The following MUC4 variants were observed in gnomAD, a reference collection of about 807,000 sequenced individuals.
MUC4 encodes the protein mucin-4.
In MUC4, 202 loss-of-function variants were observed where a neutral mutation model predicts 257.9. The ratio of observed to expected loss-of-function variants is 0.78; its 90% CI spans 0.70 to 0.88. The LOEUF is 0.88. Ranked by LOEUF, MUC4 falls within the 40% of genes least tolerant of loss-of-function variation. The pLI is 0.00. For synonymous variants in MUC4, 2,351 were observed against 2,757.1 expected (o/e 0.85, Z 4.62); for missense variants, 5,976 against 6,513.7 (o/e 0.92, Z 2.84).
At position 195,789,659 on chromosome 3, in the gene MUC4, G is replaced by C; in HGVS notation, c.1921C>G (p.Gln641Glu). Residue 641 changes from glutamine to glutamate, a missense_variant, in exon 2 of 25, where the codon CAA becomes GAA. Coordinates refer to ENST00000463781, the MANE Select transcript of MUC4 (RefSeq NM_018406.7). ...SPAVSQRGHT[Q>E]APQTTQESQT... ...GATTCTTGTGTGGTCTGCGGGGCTT[G>C]AGTGTGACCCCTTTGGGAAACAGCT... The C allele has an allele frequency of 6.2e-7, 1 of 1,614,026 alleles. No individual in the cohort carries two copies. The highest frequency in any genetic ancestry group is 8.5e-7 in the Non-Finnish European group (1 of 1,179,890).
rs193004558 is a variant in MUC4 at position 195,764,186 on chromosome 3, C to T, written c.13925-22G>A. On this transcript the variant is annotated intron_variant, in intron 10 of 24. Coordinates refer to ENST00000463781, the MANE Select transcript of MUC4 (RefSeq NM_018406.7). Reference sequence around the variant, plus strand: ...TGGGCTGCGGAGAACAGCAGTGAGTCGGGGAGGTTGAGGACCTGGAGAAGC... The same window carrying T: ...TGGGCTGCGGAGAACAGCAGTGAGTTGGGGAGGTTGAGGACCTGGAGAAGC... 2,255 of 1,553,908 alleles carry T rather than the reference C, an allele frequency of 1.5e-3. 38 individuals carry two copies. In the African/African-American group the frequency reaches 0.027, roughly 18 times the overall value.
At chr3:195,808,364 C>T (rs181573179) in intron 1 of MUC4, among the ~76,000 whole-genome samples, 129 of 152,236 alleles carry the variant, frequency 8.5e-4, no homozygotes, top group Admixed American at 3.5e-3. Context: ...TACAGGCGCT[C>T]GCCACCACGC....
Position 195,757,025 on chromosome 3 carries a change from C to A in MUC4, c.15168+122G>T. ...GACTGGAATCTGCTCTACTCACCTACCACTGCTCCACCCATCTCCCAACAC... is the reference window on the plus strand; with the variant it reads ...GACTGGAATCTGCTCTACTCACCTAACACTGCTCCACCCATCTCCCAACAC... On this transcript the variant is annotated intron_variant, in intron 18 of 24. Coordinates refer to ENST00000463781, the MANE Select transcript of MUC4 (RefSeq NM_018406.7). This position sits in a 1 kb window ranked among gnomAD's most constrained non-coding sequence, Gnocchi z 4.8. The A allele has an allele frequency of 1.0e-6, 1 of 1,004,456 alleles. No homozygotes were observed. The highest frequency in any genetic ancestry group is 2.3e-5 in the Admixed American group (1 of 43,606). The allele number at this position is 1,004,456 out of a possible 1,614,324, so 62.2% of individuals were successfully genotyped here. A position where few individuals can be genotyped will look rare whatever the true frequency, so the allele number is the denominator to read the frequency against.
At chr3:195,807,939 G>C (rs1220096266) in intron 1 of MUC4, among the ~76,000 whole-genome samples, 1 of 152,244 alleles carries the variant, frequency 6.6e-6, no homozygotes, top group East Asian at 1.9e-4. Context: ...GAAACCAAGG[G>C]CGTGGCGGGA....
chr3:195,791,002 G>T lies in MUC4; in HGVS notation c.578C>A (p.Ala193Asp). The T allele has an allele frequency of 1.2e-6, 2 of 1,614,028 alleles. No homozygotes were observed. The highest frequency in any genetic ancestry group is 1.7e-6 in the Non-Finnish European group (2 of 1,179,896). ...CCGAGTCCAGTGGTTCTGAGAAGAA[G>T]CTGATGTGTCTTGGATAGAGGTCCT... Reference protein sequence around the residue: ...SWRTSIQDTSASSQNHWTRST... With the variant: ...SWRTSIQDTSDSSQNHWTRST... Residue 193 changes from alanine to aspartate, a missense_variant, in exon 2 of 25, where the codon GCT becomes GAT. Transcript: ENST00000463781.
rs1719869364 is a variant in MUC4, at chr3:195,764,087, G to GTA, written c.14001_14002insTA (p.Arg4668TyrfsTer105). 1 of 1,608,760 alleles carries GTA rather than the reference G, an allele frequency of 6.2e-7. No homozygotes were observed. Among genetic ancestry groups the GTA allele is most frequent in the African/African-American group, 1.3e-5 (1 of 74,856 alleles). On this transcript the variant is annotated frameshift_variant, in exon 11 of 25. Transcript: ENST00000463781. LOFTEE classifies it high-confidence loss of function. ...TATGTAGCACAGCCCACGTGGGGCC[G>GTA]CCTCTGCTGGTACAGGGCACAGAGG...
At chr3:195,769,200 G>C (rs1487551498) in intron 6 of MUC4, 48 bp from the exon 7 acceptor site, 2 of 1,606,442 alleles carry the variant, frequency 1.2e-6, no homozygotes, top group Non-Finnish European at 1.7e-6. Context: ...AGAGATCCGG[G>C]GTCTCCTCTC....
At chr3:195,753,587 A>G (rs778619195) in intron 19 of MUC4, 1 of 348,914 alleles carries the variant, frequency 2.9e-6, no homozygotes, top group Non-Finnish European at 5.2e-6. Context: ...GGTTCTACCC[A>G]CTCTGGCCTC....
Position 195,757,386 on chromosome 3 carries a change from G to C in MUC4, c.14987-58C>G. ...GGGAGACTCCTCGGCTCTGTGGTCT[G>C]ATTGCTGATACGGGGCTTCCCCCAC... On this transcript the variant is annotated intron_variant, in intron 17 of 24. Coordinates refer to ENST00000463781, the MANE Select transcript of MUC4 (RefSeq NM_018406.7). The surrounding 1 kb of genome is among the most constrained non-coding windows in gnomAD (Gnocchi z 4.8). 6.7e-7 allele frequency: 1 copy of C among 1,492,706 alleles called. No individual in the cohort carries two copies. Among genetic ancestry groups the C allele is most frequent in the East Asian group, 2.3e-5 (1 of 42,844 alleles). The allele number at this position is 1,492,706 out of a possible 1,614,324, so 92.5% of individuals were successfully genotyped here.
At chr3:195,759,918 A>AACACACACACACACGCACGC (rs1553855202) in intron 16 of MUC4, among the ~76,000 whole-genome samples, 1 of 149,738 alleles carries the variant, frequency 6.7e-6, no homozygotes, top group Non-Finnish European at 1.5e-5. Flanking sequence ...AAACTCCGTC[A>AACACACACACACACGCACGC]ACACACACAC....
Position 195,761,106 on chromosome 3 carries a change from C to G in MUC4, c.14626G>C (p.Gly4876Arg). 2 of 1,614,144 alleles carry G rather than the reference C, an allele frequency of 1.2e-6. No homozygotes were observed. Among genetic ancestry groups the G allele is most frequent in the African/African-American group, 2.7e-5 (2 of 75,032 alleles). The change falls in exon 16 of 25, where the codon GGG (glycine) becomes CGG (arginine). Residue 4876 changes from glycine (G) to arginine (R), a missense_variant. This residue lies in a region of MUC4 where 996 missense variants were observed against 1,137.3 expected (regional missense o/e 0.88). Coordinates refer to ENST00000463781, the MANE Select transcript of MUC4 (RefSeq NM_018406.7). ...TTCCTCTTGCCAAGGAGGCCTGTCC[C>G]GTTGATCTGCCCTGTAACACACAGA... ...FHFGMTWQIN[G>R]TGLLGKRNDQ...
intron 1 of MUC4, among the ~76,000 whole-genome samples, chr3:195,803,752 G>A (rs1461341255): frequency 2.0e-5 from 3 of 152,254 alleles, no homozygotes; most frequent in East Asian, 1.9e-4. Context: ...AGGGCCGGGG[G>A]CTCGGGGTAA....
At chr3:195,768,519 T>C (rs551792276) in intron 7 of MUC4, among the ~76,000 whole-genome samples, 3 of 152,330 alleles carry the variant, frequency 2.0e-5, no homozygotes, top group Non-Finnish European at 4.4e-5. Context: ...GATTCTAGCC[T>C]CAGATGTCTG....
rs533862370 is a variant in MUC4, at chr3:195,755,054, T to C, written c.15169-682A>G. On this transcript the variant is annotated intron_variant, in intron 18 of 24. Coordinates refer to ENST00000463781, the MANE Select transcript of MUC4 (RefSeq NM_018406.7). The surrounding 1 kb of genome is among the most constrained non-coding windows in gnomAD (Gnocchi z 5.0). ...TATTTTGAGACAGGGTCCCACTCGG[T>C]TGCCCAGGCTGGAGTGCAATGTCTT... Among the ~76,000 whole-genome samples, 1 of 152,196 alleles carries C rather than the reference T, an allele frequency of 6.6e-6. No homozygotes were observed. Among genetic ancestry groups the C allele is most frequent in the South Asian group, 2.1e-4 (1 of 4,812 alleles).
chr3:195,789,132 T>G lies in MUC4; in HGVS notation c.2448A>C (p.Ser816=). 1 of 1,613,714 alleles carries G rather than the reference T, an allele frequency of 6.2e-7. No homozygotes were observed. Among genetic ancestry groups the G allele is most frequent in the Non-Finnish European group, 8.5e-7 (1 of 1,179,796 alleles). Residue 816 remains serine, a synonymous_variant, in exon 2 of 25, where the codon TCA becomes TCC. Transcript: ENST00000463781. ...SSSGASGTTP[S]GSEGISTSGE... ...CTGAGGTGGATATTCCTTCGCTTCC[T>G]GAAGGTGTTGTGCCACTCGCCCCGG...
At chr3:195,764,883 G>A in intron 10 of MUC4, 114 bp downstream of exon 10, 1 of 1,439,332 alleles carries the variant, frequency 6.9e-7, no homozygotes, top group Non-Finnish European at 9.5e-7. Flanking sequence ...ACCCGATCAG[G>A]AAGTGGAGGC....
chr3:195,778,199 G>A (rs1448018108), intron 3 of MUC4, 104 bp downstream of exon 3: 4 of 1,405,740 alleles, frequency 2.8e-6, no homozygotes, highest in Non-Finnish European at 3.8e-6. Flanking sequence ...CCTCGGTAAG[G>A]CCCTCCCCAC....
chr3:195,787,464 AC>A lies in MUC4; in HGVS notation c.4115del (p.Gly1372ValfsTer72). On this transcript the variant is annotated frameshift_variant, in exon 2 of 25. Coordinates refer to ENST00000463781, the MANE Select transcript of MUC4 (RefSeq NM_018406.7). LOFTEE classifies it high-confidence loss of function. ...TGGTGACAGGAAGAGGGGTGGCCTG[AC>A]CTGTGGATGCTGAGGAAGCATCAGT... ...HVTDASSAST[G>X]QATPLPVTSL... The A allele has an allele frequency of 1.4e-6, 1 of 711,570 alleles. No individual in the cohort carries two copies. Among genetic ancestry groups the A allele is most frequent in the Non-Finnish European group, 2.0e-6 (1 of 490,906 alleles). 44.1% of individuals were successfully genotyped at this position (711,570 alleles called of 1,614,324 possible). A position where few individuals can be genotyped will look rare whatever the true frequency, so the allele number is the denominator to read the frequency against.
chr3:195,788,704 G>T lies in MUC4; in HGVS notation c.2876C>A (p.Pro959His), dbSNP rs539732899. ...SPQTETHTLS[P>H]SGSGKTFTTA... Reference sequence around the variant, plus strand: ...GGTGAAGGTTTTACCAGACCCTGAAGGTGACAGAGTGTGGGTCTCGGTTTG... The same window carrying T: ...GGTGAAGGTTTTACCAGACCCTGAATGTGACAGAGTGTGGGTCTCGGTTTG... Residue 959 changes from proline to histidine, a missense_variant, in exon 2 of 25, where the codon CCT (proline) becomes CAT (histidine). Pro to His is a moderately conservative substitution (Grantham distance 77, BLOSUM62 -2). Coordinates refer to ENST00000463781, the MANE Select transcript of MUC4 (RefSeq NM_018406.7). 4 of 1,613,778 alleles carry T rather than the reference G, an allele frequency of 2.5e-6. No homozygotes were observed. Among genetic ancestry groups the T allele is most frequent in the East Asian group, 2.2e-5 (1 of 44,884 alleles).
Sources: gnomAD v4.1 joint callset for allele counts (sites outside exome capture counted in the v4.1 genomes callset) on GRCh38, gnomAD v4.1.1 for gene constraint, gnomAD v4.1.1 regional missense constraint, Gnocchi (gnomAD v3.1) non-coding constraint, MANE v1.5 for transcripts, NCBI Gene and HGNC (gene_info 2026-07-23, HGNC 2026-07-21) for gene names.